The following NUP214 variants were observed in gnomAD, a reference collection of about 807,000 sequenced individuals.
NUP214 encodes the protein nucleoporin 214, also known as nuclear pore complex protein Nup214.
NUP214 carries 79 observed loss-of-function variants against 196.2 expected under a neutral mutation model. The observed-to-expected ratio is 0.40, with a 90% confidence interval of 0.34 to 0.49. NUP214 has a LOEUF of 0.49. Ranked by LOEUF, NUP214 falls within the 20% of genes least tolerant of loss-of-function variation. NUP214 has a pLI of 0.58. For synonymous variants in NUP214, 1,020 were observed against 990.5 expected, an observed-to-expected ratio of 1.03 and a Z score of -0.56; for missense variants, 2,468 against 2,539.0, an observed-to-expected ratio of 0.97 and a Z score of 0.60.
chr9:131,175,612 C>A lies in NUP214; in HGVS notation c.3310C>A (p.Gln1104Lys). ...AGCACTCAGGCGGCAGATGGCCAGT[C>A]AGGCACCAGGTAAAAGCTGTAGCCC... ...AAALRRQMAS[Q>K]APAVNTLTES... The change falls in exon 23 of 36, where the codon CAG (glutamine) becomes AAG (lysine). Residue 1104 changes from glutamine to lysine, a missense_variant. Gln to Lys is a moderately conservative substitution (Grantham distance 53). This residue lies in a region of NUP214 where 1,801 missense variants were observed against 1,779.4 expected (regional missense o/e 1.01). Coordinates refer to ENST00000359428, the MANE Select transcript of NUP214 (RefSeq NM_005085.4). 1 of 1,614,142 alleles carries A rather than the reference C, an allele frequency of 6.2e-7. No individual in the cohort carries two copies. Among genetic ancestry groups the A allele is most frequent in the South Asian group, 1.1e-5 (1 of 91,054 alleles).
rs149251199 is a variant in NUP214 at position 131,170,638 on chromosome 9, A to G, written c.2894-3417A>G. 2.3e-3 allele frequency among the ~76,000 whole-genome samples: 347 copies of G among 152,212 alleles called. 4 individuals carry two copies. Among genetic ancestry groups the G allele is most frequent in the African/African-American group, 8.0e-3 (333 of 41,520 alleles). On this transcript the variant is annotated intron_variant, in intron 21 of 35. Transcript: ENST00000359428. ...GTTGGATGTAGTATCGAGAAATACC[A>G]TTGATTTATGTGTATTTACTTACAG...
In NUP214 at chr9:131,132,453, A is replaced by G. The variant is rs533292309; in HGVS notation, c.664-143A>G. 1.4e-4 allele frequency: 98 copies of G among 685,198 alleles called. No homozygotes were observed. In the African/African-American group the frequency reaches 1.7e-3, roughly 12 times the overall value. 42.4% of individuals were successfully genotyped at this position (685,198 alleles called of 1,614,324 possible). ...CTGTAGGATGAAGTCCTGGAAGTAG[A>G]TAGCACTATTCTGTTTCTTCAGTCT... On this transcript the variant is annotated intron_variant, in intron 5 of 35. Transcript: ENST00000359428.
At chr9:131,231,087 T>C (rs539231013) in intron 34 of NUP214, among the ~76,000 whole-genome samples, 75 of 152,242 alleles carry the variant, frequency 4.9e-4, no homozygotes, top group Middle Eastern at 3.4e-3. Flanking sequence ...ACTTGAGCGC[T>C]GCAGTGAGCT....
At chr9:131,199,188 T>G (rs1168411959) in intron 29 of NUP214, among the ~76,000 whole-genome samples, 173 bp downstream of exon 29, 1 of 152,190 alleles carries the variant, frequency 6.6e-6, no homozygotes, top group African/African-American at 2.4e-5. Context: ...TTGGCCTAAT[T>G]GGCTGGATCT....
At chr9:131,128,055 G>A (rs1470369479) in intron 2 of NUP214, among the ~76,000 whole-genome samples, 1 of 152,124 alleles carries the variant, frequency 6.6e-6, no homozygotes, top group African/African-American at 2.4e-5. Context: ...CCAAACTATT[G>A]GCAAGGTGTA....
chr9:131,227,135 G>T (rs779568665), intron 32 of NUP214, among the ~76,000 whole-genome samples: 64 of 152,322 alleles, frequency 4.2e-4, no homozygotes, highest in Non-Finnish European at 7.1e-4. Context: ...TAATACTTTA[G>T]AATGATTTCA....
chr9:131,222,800 C>T lies in NUP214; in HGVS notation c.5772C>T (p.Asn1924=), dbSNP rs755078841. ...CAGATACCTCTAACCTATTTGGAAA[C>T]AGTGGGGCCAAGACATTTGGTGGAT... The part of the protein sequence containing the change: ...ATSNTSNLFG[N]SGAKTFGGFA... The change falls in exon 32 of 36, where the codon AAC becomes AAT. Residue 1924 remains asparagine (N), a synonymous_variant. Transcript: ENST00000359428. The T allele has an allele frequency of 5.0e-6, 8 of 1,614,134 alleles. No individual in the cohort carries two copies. The South Asian group carries it at 8.8e-5, about 18-fold the overall frequency.
At position 131,144,315 on chromosome 9, in the gene NUP214, C is replaced by G. The variant is rs1384812785; in HGVS notation, c.1330C>G (p.Pro444Ala). 6.2e-7 allele frequency: 1 copy of G among 1,614,086 alleles called. No individual in the cohort carries two copies. Among genetic ancestry groups the G allele is most frequent in the Non-Finnish European group, 8.5e-7 (1 of 1,180,014 alleles). ...CACTACCCCAACCTCCTCTCAAGCCCCACAGAAACTGGATGCTTCTGCAGC... is the reference window on the plus strand; with the variant it reads ...CACTACCCCAACCTCCTCTCAAGCCGCACAGAAACTGGATGCTTCTGCAGC... ...TPTTPTSSQA[P>A]QKLDASAAAA... The change falls in exon 12 of 36, where the codon CCA (proline) becomes GCA (alanine). Residue 444 changes from proline to alanine, a missense_variant. By Grantham distance (27) the Pro-to-Ala change is conservative (BLOSUM62 -1). Coordinates refer to ENST00000359428, the MANE Select transcript of NUP214 (RefSeq NM_005085.4).
intron 21 of NUP214, among the ~76,000 whole-genome samples, chr9:131,165,647 A>G (rs76212496): frequency 0.045 from 6,834 of 152,304 alleles, 231 homozygotes; most frequent in African/African-American, 0.093. Flanking sequence ...AATTGAAAAT[A>G]AGGTTTCAAA....
At chr9:131,230,829 A>G in intron 34 of NUP214, 60 bp downstream of exon 34, 1 of 1,557,236 alleles carries the variant, frequency 6.4e-7, no homozygotes, top group South Asian at 1.2e-5. Flanking sequence ...CTTCTCCCCC[A>G]AAGAAATGAG....
rs1370736722 is a variant in NUP214, at chr9:131,199,009, G to A, written c.5515G>A (p.Ala1839Thr). The A allele has an allele frequency of 6.3e-7, 1 of 1,586,662 alleles. No homozygotes were observed. Among genetic ancestry groups the A allele is most frequent in the Non-Finnish European group, 8.6e-7 (1 of 1,165,344 alleles). The change falls in exon 29 of 36, where the codon GCT becomes ACT. Residue 1839 changes from alanine to threonine, a missense_variant. Ala to Thr is a moderately conservative substitution (Grantham distance 58, BLOSUM62 0). Transcript: ENST00000359428. Reference protein sequence around the residue: ...AATSGFSFCQASGFGSSNTGS... With the variant: ...AATSGFSFCQTSGFGSSNTGS... ...AACCTCTGGGTTCAGCTTTTGCCAA[G>A]CTTCAGGTAAGAATTTGTGGAAGCT...
chr9:131,147,731 G>A, intron 14 of NUP214, 147 bp downstream of exon 14: 1 of 645,204 alleles, frequency 1.5e-6, no homozygotes, highest in Non-Finnish European at 2.7e-6. Flanking sequence ...AAAGTGCGAG[G>A]TTTGAATACT....
At chr9:131,186,793 A>G (rs540126710) in intron 24 of NUP214, among the ~76,000 whole-genome samples, 1 of 152,160 alleles carries the variant, frequency 6.6e-6, no homozygotes, top group Non-Finnish European at 1.5e-5. Flanking sequence ...GTACATTTGA[A>G]TCCCTTGGAT....
At chr9:131,206,582 C>A (rs1834095461) in intron 30 of NUP214, among the ~76,000 whole-genome samples, 1 of 151,898 alleles carries the variant, frequency 6.6e-6, no homozygotes, top group South Asian at 2.1e-4. Context: ...TAGCTAGGTC[C>A]ACAGGTGCAC....
At chr9:131,224,993 A>G (rs1227100634) in intron 32 of NUP214, among the ~76,000 whole-genome samples, 2 of 152,196 alleles carry the variant, frequency 1.3e-5, no homozygotes, top group African/African-American at 4.8e-5. Flanking sequence ...CTGACCTTTG[A>G]AAATTCCACC....
chr9:131,158,530 G>T (rs1385417082), intron 17 of NUP214, among the ~76,000 whole-genome samples: 1 of 152,194 alleles, frequency 6.6e-6, no homozygotes, highest in Non-Finnish European at 1.5e-5. Flanking sequence ...TGCTGATAGT[G>T]TTCTTTGATT....
chr9:131,220,967 AT>A (rs1232387044), intron 31 of NUP214, among the ~76,000 whole-genome samples: 2 of 152,178 alleles, frequency 1.3e-5, no homozygotes, highest in Non-Finnish European at 2.9e-5. Flanking sequence ...CCAAGAGGAG[AT>A]TCAACCCCAG....
chr9:131,129,274 A>G lies in NUP214; in HGVS notation c.394-5A>G. On this transcript the variant is annotated splice_region_variant and splice_polypyrimidine_tract_variant and intron_variant, in intron 3 of 35. Coordinates refer to ENST00000359428, the MANE Select transcript of NUP214 (RefSeq NM_005085.4). The stretch of plus-strand genomic sequence containing the variant: ...TATTTCACTTTTGCATATTTGTTTT[A>G]AAAGGCTAAACAGCAAAAACGCCCA... 5 of 1,611,440 alleles carry G rather than the reference A, an allele frequency of 3.1e-6. No individual in the cohort carries two copies. Among genetic ancestry groups the G allele is most frequent in the Non-Finnish European group, 4.2e-6 (5 of 1,178,348 alleles).
chr9:131,171,781 C>T (rs1832966734), intron 21 of NUP214, among the ~76,000 whole-genome samples: 1 of 152,024 alleles, frequency 6.6e-6, no homozygotes, highest in South Asian at 2.1e-4. Flanking sequence ...TCAATTCCCA[C>T]CTGTGAGTGA....
Sources: gnomAD v4.1 joint callset for allele counts (sites outside exome capture counted in the v4.1 genomes callset) on GRCh38, gnomAD v4.1.1 for gene constraint, gnomAD v4.1.1 regional missense constraint, MANE v1.5 for transcripts, NCBI Gene and HGNC (gene_info 2026-07-23, HGNC 2026-07-21) for gene names.